Variants in KIF27 observed in about 807,000 individuals in gnomAD.
The protein encoded by KIF27 is kinesin-like protein KIF27.
A neutral mutation model predicts 141.8 loss-of-function variants in KIF27; 84 were observed. The observed-to-expected ratio is 0.59, with a 90% CI of 0.50 to 0.71. The LOEUF (loss-of-function observed/expected upper bound fraction) is 0.71. KIF27 is among the 30% of genes least tolerant of loss of function. The pLI is 0.00. For synonymous variants in KIF27, 471 were observed against 569.5 expected (o/e 0.83, Z 2.46); for missense variants, 1,306 against 1,628.4 (o/e 0.80, Z 3.41).
At chr9:83,918,328 G>GC (rs1021343141) in intron 1 of KIF27, among the ~76,000 whole-genome samples, 1 of 145,996 alleles carries the variant, frequency 6.8e-6, no homozygotes, top group South Asian at 2.3e-4. Flanking sequence ...AGAAATGGGG[G>GC]GGGGGCAGGA....
intron 14 of KIF27, among the ~76,000 whole-genome samples, chr9:83,857,038 A>G (rs1949300627): frequency 1.3e-5 from 2 of 151,648 alleles, no homozygotes; most frequent in Admixed American, 6.6e-5. Flanking sequence ...TTAGAAATCT[A>G]AAGTTCAGGT....
intron 13 of KIF27, among the ~76,000 whole-genome samples, chr9:83,862,197 A>G (rs1481008619): frequency 6.6e-6 from 1 of 151,924 alleles, no homozygotes; most frequent in Non-Finnish European, 1.5e-5. Flanking sequence ...CCATTTGTCA[A>G]TTTTGGCTTT....
At chr9:83,899,488 T>G (rs1011993232) in intron 5 of KIF27, among the ~76,000 whole-genome samples, 173 bp downstream of exon 5, 12 of 152,230 alleles carry the variant, frequency 7.9e-5, no homozygotes, top group African/African-American at 2.9e-4. Flanking sequence ...TAAAAATGTT[T>G]CCATTTAAGC....
chr9:83,845,576 C>G (rs763461386), intron 16 of KIF27, among the ~76,000 whole-genome samples: 1 of 152,174 alleles, frequency 6.6e-6, no homozygotes, highest in Non-Finnish European at 1.5e-5. Flanking sequence ...TGGTTCTGCA[C>G]GATATGCAGG....
Position 83,903,177 on chromosome 9 carries a change from T to G in KIF27, c.1341A>C (p.Gln447His). 1 of 1,614,182 alleles carries G rather than the reference T, an allele frequency of 6.2e-7. No individual in the cohort carries two copies. Among genetic ancestry groups the G allele is most frequent in the Non-Finnish European group, 8.5e-7 (1 of 1,180,030 alleles). The change falls in exon 4 of 18, where the codon CAA becomes CAC. Residue 447 changes from glutamine (Q) to histidine (H), a missense_variant. By Grantham distance (24) the Gln-to-His change is conservative. Coordinates refer to ENST00000297814, the MANE Select transcript of KIF27 (RefSeq NM_017576.4). ...AGGTGAGGACAGCCTTCCTGACCTC[T>G]TGGATCATGTTAAACCACTCCTGCA... is the stretch of plus-strand genomic sequence containing the variant. ...HKLQEWFNMIQEVRKAVLTSF... is the reference protein window; with the variant it reads ...HKLQEWFNMIHEVRKAVLTSF...
At position 83,903,497 on chromosome 9, in the gene KIF27, T is replaced by C. The variant is rs773271183; in HGVS notation, c.1021A>G (p.Ile341Val). The C allele has an allele frequency of 1.2e-6, 2 of 1,614,180 alleles. No individual in the cohort carries two copies. Among genetic ancestry groups the C allele is most frequent in the Non-Finnish European group, 1.7e-6 (2 of 1,180,032 alleles). Reference protein sequence around the residue: ...SLKYANRARNIRNKPTVNFSP... With the variant: ...SLKYANRARNVRNKPTVNFSP... ...AAGTTTACAGTGGGTTTGTTTCTAA[T>C]GTTCCGTGCTCTGTTGGCATATTTG... is the stretch of plus-strand genomic sequence containing the variant. Residue 341 changes from isoleucine (I) to valine (V), a missense_variant, in exon 4 of 18, where the codon ATT becomes GTT. Coordinates refer to ENST00000297814, the MANE Select transcript of KIF27 (RefSeq NM_017576.4).
At chr9:83,900,660 T>C (rs2483193) in intron 4 of KIF27, among the ~76,000 whole-genome samples, 25,795 of 150,778 alleles carry the variant, frequency 0.17, 2,739 homozygotes, top group Non-Finnish European at 0.24. Context: ...CAATTCGCAA[T>C]TGCAAAATTG....
At chr9:83,902,263 TAAGTTTTTC>T (rs1461990452) in intron 4 of KIF27, among the ~76,000 whole-genome samples, 1 of 152,240 alleles carries the variant, frequency 6.6e-6, no homozygotes, top group Non-Finnish European at 1.5e-5. Flanking sequence ...GCTATCTTTT[TAAGTTTTTC>T]TACTTTGAAA....
At chr9:83,918,071 C>T (rs1318224461) in intron 1 of KIF27, among the ~76,000 whole-genome samples, 1 of 151,836 alleles carries the variant, frequency 6.6e-6, no homozygotes, top group Non-Finnish European at 1.5e-5. Context: ...TAAGTAAGAC[C>T]CAGCCTGGGC....
chr9:83,895,786 G>A (rs1213354141), intron 5 of KIF27, among the ~76,000 whole-genome samples: 3 of 151,986 alleles, frequency 2.0e-5, no homozygotes, highest in African/African-American at 4.8e-5. Context: ...GACCGGGCAC[G>A]GTGGCTAACG....
intron 7 of KIF27, 86 bp from the exon 8 acceptor site, chr9:83,888,678 G>A: frequency 2.7e-6 from 2 of 736,908 alleles, no homozygotes; most frequent in East Asian, 2.9e-5. Context: ...TGAAAGTAAT[G>A]TTAAAAAAAT....
chr9:83,836,351 G>T lies in KIF27; in HGVS notation c.*650C>A, dbSNP rs901861002. On this transcript the variant is annotated 3_prime_UTR_variant, in exon 18 of 18. Transcript: ENST00000297814. ...TATATTGAGTGTATAGAGCAGGAAA[G>T]ACATGAAAACTTATATTGCATAATA... Among the ~76,000 whole-genome samples, 10 of 152,212 alleles carry T rather than the reference G, an allele frequency of 6.6e-5. 1 individual carries two copies. The highest frequency in any genetic ancestry group is 2.4e-4 in the African/African-American group (10 of 41,544).
chr9:83,848,276 T>C lies in KIF27; in HGVS notation c.3556+1823A>G, dbSNP rs543845931. 2.6e-3 allele frequency among the ~76,000 whole-genome samples: 294 copies of C among 111,432 alleles called. 41 individuals are homozygous for C. The highest frequency in any genetic ancestry group is 4.5e-3 in the Non-Finnish European group (262 of 58,024). The allele number at this position is 111,432 out of a possible 152,430, so 73.1% of individuals were successfully genotyped here. ...TATGATATATATGATATATCAGATA[T>C]GATATATATGATATATCAGATATGA... On this transcript the variant is annotated intron_variant, in intron 16 of 17. Coordinates refer to ENST00000297814, the MANE Select transcript of KIF27 (RefSeq NM_017576.4).
intron 3 of KIF27, among the ~76,000 whole-genome samples, chr9:83,906,515 C>T (rs1954552658): frequency 6.6e-6 from 1 of 151,738 alleles, no homozygotes; most frequent in Admixed American, 6.6e-5. Context: ...CCAAAGCAGG[C>T]AGATCTCTTG....
intron 14 of KIF27, chr9:83,858,577 T>A (rs1185773474): frequency 6.6e-6 from 1 of 152,306 alleles, no homozygotes; most frequent in East Asian, 1.9e-4. Context: ...ATGAATCATC[T>A]TCTACATAGT....
intron 1 of KIF27, among the ~76,000 whole-genome samples, chr9:83,916,857 G>A (rs1353112548): frequency 6.6e-6 from 1 of 151,926 alleles, no homozygotes; most frequent in East Asian, 1.9e-4. Context: ...TAGACATGGG[G>A]TTTCACCGTG....
chr9:83,857,804 A>C (rs1157388549), intron 14 of KIF27, among the ~76,000 whole-genome samples: 2 of 152,192 alleles, frequency 1.3e-5, no homozygotes, highest in East Asian at 1.9e-4. Context: ...CTTCCCCCAA[A>C]TGATCACTTC....
At chr9:83,868,152 C>A in intron 12 of KIF27, 1 of 258,210 alleles carries the variant, frequency 3.9e-6, no homozygotes, top group Non-Finnish European at 7.3e-6. Context: ...ATATTAAGAA[C>A]ATGCTGGAAT....
At position 83,903,131 on chromosome 9, in the gene KIF27, T is replaced by A. The variant is rs1476071541; in HGVS notation, c.1387A>T (p.Thr463Ser). The A allele has an allele frequency of 6.2e-7, 1 of 1,614,214 alleles. No homozygotes were observed. Among genetic ancestry groups the A allele is most frequent in the Admixed American group, 1.7e-5 (1 of 60,018 alleles). Residue 463 changes from threonine (T) to serine (S), a missense_variant, in exon 4 of 18, where the codon ACT becomes TCT. This residue lies in a region of KIF27 where 533 missense variants were observed against 565.6 expected (regional missense o/e 0.94). Transcript: ENST00000297814. ...TGTGGTCCTTCTTCCAGACTTGCAG[T>A]GCCTCCGATTCCTCGAAATGAGGTG... The part of the protein sequence containing the change: ...VLTSFRGIGG[T>S]ASLEEGPQHV...
Sources: gnomAD v4.1 joint callset for allele counts (sites outside exome capture counted in the v4.1 genomes callset) on GRCh38, gnomAD v4.1.1 for gene constraint, gnomAD v4.1.1 regional missense constraint, MANE v1.5 for transcripts, NCBI Gene and HGNC (gene_info 2026-07-23, HGNC 2026-07-21) for gene names.